The following LYPLAL1 variants were observed in gnomAD, a reference collection of about 807,000 sequenced individuals.
LYPLAL1 encodes lysophospholipase-like protein 1.
A neutral mutation model predicts 19.7 loss-of-function variants in LYPLAL1; 23 were observed. The ratio of observed to expected loss-of-function variants is 1.17; its 90% CI spans 0.84 to 1.65. The LOEUF is 1.65. LYPLAL1 is among the 40% of genes most tolerant of loss of function. The pLI is 0.00. For synonymous variants in LYPLAL1, 119 were observed against 96.3 expected (o/e 1.24, Z -1.38); for missense variants, 355 against 279.4 (o/e 1.27, Z -1.93).
the LYPLAL1 span, among the ~76,000 whole-genome samples, chr1:219,327,332 T>C: frequency 6.6e-6 from 1 of 152,134 alleles, no homozygotes; most frequent in Non-Finnish European, 1.5e-5. Flanking sequence ...TGTATTCTAC[T>C]GGCCCAAGCA....
the LYPLAL1 span, among the ~76,000 whole-genome samples, chr1:219,327,617 T>C: frequency 1.3e-5 from 2 of 152,160 alleles, no homozygotes; most frequent in African/African-American, 4.8e-5. Flanking sequence ...ATCCCTATAA[T>C]CATTCCCTAG....
chr1:219,243,184 T>C, the LYPLAL1 span, among the ~76,000 whole-genome samples: 1 of 152,178 alleles, frequency 6.6e-6, no homozygotes, highest in Non-Finnish European at 1.5e-5. Context: ...ACACGGTGGC[T>C]TTACCAACAG....
At chr1:219,270,918 T>C in the LYPLAL1 span, 2 of 152,192 alleles carry the variant, frequency 1.3e-5, no homozygotes, top group East Asian at 3.8e-4. Flanking sequence ...CTTCTACATA[T>C]GTGGTGATGC....
chr1:219,184,353 GTTT>G (rs1418192959), intron 2 of LYPLAL1, among the ~76,000 whole-genome samples: 1 of 151,808 alleles, frequency 6.6e-6, no homozygotes, highest in Non-Finnish European at 1.5e-5. Context: ...ATAAATTTTA[GTTT>G]TTTATTATGT....
At chr1:219,326,822 G>A in the LYPLAL1 span, among the ~76,000 whole-genome samples, 2 of 152,208 alleles carry the variant, frequency 1.3e-5, no homozygotes, top group African/African-American at 2.4e-5. Flanking sequence ...GCATGGGATT[G>A]CATCAGCCTA....
In LYPLAL1 at chr1:219,193,087, A is replaced by G. The variant is rs1477861181; in HGVS notation, c.197A>G (p.Tyr66Cys). Residue 66 changes from tyrosine (Y) to cysteine (C), a missense_variant, in exon 3 of 5, where the codon TAT (tyrosine) becomes TGT (cysteine). Coordinates refer to ENST00000366928, the MANE Select transcript of LYPLAL1 (RefSeq NM_138794.5). ...IIYPTAPPRS[Y>C]TPMKGGISNV... Reference sequence around the variant, plus strand: ...GGGGGGCGGTTGTTAAACAGATCATATACTCCTATGAAAGGAGGAATCTCC... The same window carrying G: ...GGGGGGCGGTTGTTAAACAGATCATGTACTCCTATGAAAGGAGGAATCTCC... 1 of 1,599,108 alleles carries G rather than the reference A, an allele frequency of 6.3e-7. No homozygotes were observed. Among genetic ancestry groups the G allele is most frequent in the Non-Finnish European group, 8.5e-7 (1 of 1,171,778 alleles).
chr1:219,221,109 G>A, the LYPLAL1 span, among the ~76,000 whole-genome samples: 3 of 152,184 alleles, frequency 2.0e-5, no homozygotes, highest in African/African-American at 4.8e-5. Flanking sequence ...TACGCATCAA[G>A]AGTATTATTT....
chr1:219,297,586 G>T, the LYPLAL1 span, among the ~76,000 whole-genome samples: 1 of 152,182 alleles, frequency 6.6e-6, no homozygotes, highest in Non-Finnish European at 1.5e-5. Context: ...GCTTCTGAAT[G>T]TCTGATTTAG....
chr1:219,198,230 A>G (rs985013031), intron 3 of LYPLAL1, among the ~76,000 whole-genome samples: 2 of 152,156 alleles, frequency 1.3e-5, no homozygotes, highest in African/African-American at 4.8e-5. Flanking sequence ...GAAGTATTTC[A>G]GCATTCATTG....
chr1:219,321,293 A>AT, the LYPLAL1 span, among the ~76,000 whole-genome samples: 5 of 151,836 alleles, frequency 3.3e-5, no homozygotes, highest in South Asian at 2.1e-4. Flanking sequence ...GGGTTGTTTG[A>AT]TTTTTTCTTG....
the LYPLAL1 span, among the ~76,000 whole-genome samples, chr1:219,415,547 G>A: frequency 6.6e-6 from 1 of 152,136 alleles, no homozygotes; most frequent in Non-Finnish European, 1.5e-5. Context: ...AGTTTCTTAG[G>A]GTACCAAAGC....
the LYPLAL1 span, among the ~76,000 whole-genome samples, chr1:219,301,100 G>A: frequency 6.6e-6 from 1 of 151,518 alleles, no homozygotes; most frequent in Non-Finnish European, 1.5e-5. Flanking sequence ...TGGCATACAT[G>A]AAATCAAAAT....
the LYPLAL1 span, among the ~76,000 whole-genome samples, chr1:219,229,305 G>GAGAGAGAGAGAA: frequency 3.1e-5 from 2 of 65,404 alleles, no homozygotes; most frequent in African/African-American, 5.0e-5. Flanking sequence ...GAGAGAGAGA[G>GAGAGAGAGAGAA]AGAGAGAGAG....
At chr1:219,241,456 T>G in the LYPLAL1 span, among the ~76,000 whole-genome samples, 2 of 152,060 alleles carry the variant, frequency 1.3e-5, no homozygotes, top group Non-Finnish European at 2.9e-5. Context: ...TAATACAGCA[T>G]TGACCTAGAA....
At chr1:219,396,035 A>T in the LYPLAL1 span, among the ~76,000 whole-genome samples, 1,650 of 151,246 alleles carry the variant, frequency 0.011, 22 homozygotes, top group African/African-American at 0.036. Flanking sequence ...CCTGGGAGGT[A>T]GAGCTTGCAG....
the LYPLAL1 span, among the ~76,000 whole-genome samples, chr1:219,301,257 A>G: frequency 0.012 from 1,852 of 152,310 alleles, 32 homozygotes; most frequent in African/African-American, 0.042. Context: ...AAATAAATAA[A>G]CACATACTTT....
chr1:219,335,079 T>A, the LYPLAL1 span, among the ~76,000 whole-genome samples: 1 of 151,974 alleles, frequency 6.6e-6, no homozygotes, highest in East Asian at 1.9e-4. Context: ...AAAACTCTCA[T>A]AAATCAAGTC....
the LYPLAL1 span, among the ~76,000 whole-genome samples, chr1:219,325,792 G>T: frequency 6.6e-6 from 1 of 152,132 alleles, no homozygotes; most frequent in African/African-American, 2.4e-5. Context: ...CAGAGGTGTT[G>T]GCTCTCATTG....
the LYPLAL1 span, among the ~76,000 whole-genome samples, chr1:219,426,737 C>T: frequency 5.9e-5 from 9 of 151,966 alleles, no homozygotes; most frequent in African/African-American, 7.2e-5. Flanking sequence ...TAGCTGGGAC[C>T]GTAGGTGCGA....
Sources: gnomAD v4.1 joint callset for allele counts (sites outside exome capture counted in the v4.1 genomes callset) on GRCh38, gnomAD v4.1.1 for gene constraint, MANE v1.5 for transcripts, NCBI Gene and HGNC (gene_info 2026-07-23, HGNC 2026-07-21) for gene names.